The following PIK3C2G variants were observed in gnomAD, a reference collection of about 807,000 sequenced individuals.
PIK3C2G encodes the protein phosphatidylinositol 3-kinase C2 domain-containing subunit gamma.
A neutral mutation model predicts 181.1 loss-of-function variants in PIK3C2G; 168 were observed. That is an observed-to-expected ratio of 0.93 (90% CI 0.82 to 1.05). PIK3C2G has a LOEUF of 1.05. PIK3C2G is among the 50% of genes least tolerant of loss of function. PIK3C2G has a pLI of 0.00. For synonymous variants in PIK3C2G, 573 were observed against 592.2 expected, an observed-to-expected ratio of 0.97 and a Z score of 0.47; for missense variants, 1,869 against 1,732.8, an observed-to-expected ratio of 1.08 and a Z score of -1.40.
intron 10 of PIK3C2G, 112 bp downstream of exon 10, chr12:18,343,472 C>T (rs1402398989): frequency 1.1e-5 from 5 of 462,810 alleles, no homozygotes; most frequent in Non-Finnish European, 2.0e-5. Flanking sequence ...ACACAACACA[C>T]ACACACACAC....
chr12:18,294,099 T>A (rs1949832320), intron 5 of PIK3C2G, 84 bp downstream of exon 5: 2 of 665,528 alleles, frequency 3.0e-6, no homozygotes, highest in Non-Finnish European at 5.3e-6. Context: ...TTAAACAGAC[T>A]TTACACAAAC....
the PIK3C2G span, among the ~76,000 whole-genome samples, chr12:18,672,473 A>G: frequency 6.6e-6 from 1 of 152,216 alleles, no homozygotes; most frequent in Non-Finnish European, 1.5e-5. Context: ...AAAAACTGGT[A>G]TAAATCTAGG....
intron 8 of PIK3C2G, among the ~76,000 whole-genome samples, chr12:18,330,698 A>C (rs1172495658): frequency 6.6e-6 from 1 of 152,138 alleles, no homozygotes; most frequent in Non-Finnish European, 1.5e-5. Context: ...TATCAATGAG[A>C]GGCCAGGGAT....
At chr12:18,332,535 C>A (rs192727476) in intron 8 of PIK3C2G, among the ~76,000 whole-genome samples, 5 of 152,058 alleles carry the variant, frequency 3.3e-5, no homozygotes, top group African/African-American at 1.2e-4. Flanking sequence ...TGCTCCTTAT[C>A]CCTGACCTCT....
intron 31 of PIK3C2G, among the ~76,000 whole-genome samples, chr12:18,614,599 T>A (rs73070218): frequency 0.031 from 4,705 of 152,250 alleles, 78 homozygotes; most frequent in Middle Eastern, 0.065. Context: ...TGTAGTGGCT[T>A]AATAAATGTT....
chr12:18,701,631 TCCTCCTCC>T, the PIK3C2G span: 1 of 1,585,272 alleles, frequency 6.3e-7, no homozygotes. Flanking sequence ...CTCCTCCTCC[TCCTCCTCC>T]TCCTCCTCCT....
At chr12:18,534,772 TATCTAA>T (rs1191663310) in intron 24 of PIK3C2G, among the ~76,000 whole-genome samples, 2 of 148,904 alleles carry the variant, frequency 1.3e-5, no homozygotes, top group Non-Finnish European at 3.0e-5. Context: ...TTGGTCCTGA[TATCTAA>T]ATCAGTTTTA....
the PIK3C2G span, among the ~76,000 whole-genome samples, chr12:18,679,812 A>T: frequency 1.3e-5 from 2 of 152,018 alleles, no homozygotes; most frequent in African/African-American, 4.8e-5. Context: ...CTTATCCCTG[A>T]AAACAGGTAC....
chr12:18,358,595 A>G (rs887472890), intron 11 of PIK3C2G: 12 of 449,562 alleles, frequency 2.7e-5, no homozygotes, highest in African/African-American at 2.2e-4. Context: ...TAACCCAGTT[A>G]AGAAGAATGC....
chr12:18,544,813 T>C (rs1176576413), intron 25 of PIK3C2G, among the ~76,000 whole-genome samples: 1 of 151,894 alleles, frequency 6.6e-6, no homozygotes. Flanking sequence ...TTATCATTTA[T>C]ATGCTAATGA....
intron 18 of PIK3C2G, among the ~76,000 whole-genome samples, chr12:18,463,333 G>T (rs1418032159): frequency 1.3e-5 from 2 of 152,142 alleles, no homozygotes; most frequent in Non-Finnish European, 2.9e-5. Context: ...AGAAACTGAA[G>T]CATTACCTCC....
intron 25 of PIK3C2G, among the ~76,000 whole-genome samples, chr12:18,543,727 CTATT>C (rs1944286180): frequency 6.6e-6 from 1 of 151,884 alleles, no homozygotes; most frequent in Admixed American, 6.6e-5. Flanking sequence ...TCTGGCCTCT[CTATT>C]TTGTTCCATT....
chr12:18,656,332 C>T, the PIK3C2G span, among the ~76,000 whole-genome samples: 1 of 152,170 alleles, frequency 6.6e-6, no homozygotes, highest in South Asian at 2.1e-4. Context: ...AATCCCAGCA[C>T]TTTAGGAGGC....
At chr12:18,267,155 T>C (rs912478607) in intron 1 of PIK3C2G, among the ~76,000 whole-genome samples, 3 of 152,070 alleles carry the variant, frequency 2.0e-5, no homozygotes, top group Non-Finnish European at 2.9e-5. Flanking sequence ...TTTCTCAATT[T>C]TTAATTCAAA....
At chr12:18,592,780 GGAA>G (rs1337754806) in intron 29 of PIK3C2G, among the ~76,000 whole-genome samples, 1 of 151,892 alleles carries the variant, frequency 6.6e-6, no homozygotes, top group Non-Finnish European at 1.5e-5. Context: ...GAGGAAAAAC[GGAA>G]GAAGAGTGAA....
At chr12:18,492,338 A>T (rs1417835751) in intron 20 of PIK3C2G, among the ~76,000 whole-genome samples, 1 of 152,200 alleles carries the variant, frequency 6.6e-6, no homozygotes, top group East Asian at 1.9e-4. Context: ...AAACCCAATA[A>T]TTAGGTGAAA....
At chr12:18,575,677 A>G (rs1946199120) in intron 29 of PIK3C2G, among the ~76,000 whole-genome samples, 1 of 152,168 alleles carries the variant, frequency 6.6e-6, no homozygotes, top group South Asian at 2.1e-4. Context: ...GGCATTTAAG[A>G]TGATATTAAA....
chr12:18,490,925 G>T (rs1446960349), intron 19 of PIK3C2G, among the ~76,000 whole-genome samples: 1 of 152,118 alleles, frequency 6.6e-6, no homozygotes, highest in African/African-American at 2.4e-5. Flanking sequence ...TTGATGTCCA[G>T]TAAACTATTT....
At chr12:18,336,248 C>T (rs951627753) in intron 8 of PIK3C2G, among the ~76,000 whole-genome samples, 2 of 152,058 alleles carry the variant, frequency 1.3e-5, no homozygotes, top group African/African-American at 2.4e-5. Context: ...TCTCACTTCA[C>T]AGAAGAGGGA....
Sources: allele counts gnomAD v4.1 joint callset (sites outside exome capture counted in the v4.1 genomes callset), GRCh38; gene constraint gnomAD v4.1.1; transcripts MANE v1.5; gene names NCBI Gene and HGNC (gene_info 2026-07-23, HGNC 2026-07-21).